Variants in PIWIL4 observed in about 807,000 individuals in gnomAD.
PIWIL4 encodes piwi like RNA-mediated gene silencing 4.
A neutral mutation model predicts 100.9 loss-of-function variants in PIWIL4; 50 were observed. That is an observed-to-expected ratio of 0.50 (90% CI 0.39 to 0.63). The LOEUF is 0.63. PIWIL4 is among the 20% of genes least tolerant of loss of function. The pLI is 0.00. For synonymous variants in PIWIL4, 342 were observed against 367.5 expected (o/e 0.93, Z 0.79); for missense variants, 887 against 1,043.3 (o/e 0.85, Z 2.06).
rs757303166 is a variant in PIWIL4 at position 94,568,773 on chromosome 11, A to G, written c.131A>G (p.Asn44Ser). The G allele has an allele frequency of 3.1e-6, 5 of 1,610,464 alleles. No individual in the cohort carries two copies. In the South Asian group the frequency reaches 4.4e-5, roughly 14 times the overall value. ...DLSNNEASSS[N>S]GFLGTSRIST... The stretch of plus-strand genomic sequence containing the variant: ...AGTAACAATGAAGCATCCTCTAGCA[A>G]TGGCTTCTTGGGAACAAGCAGGATC... The change falls in exon 2 of 20, where the codon AAT becomes AGT. Residue 44 changes from asparagine (N) to serine (S), a missense_variant. Physicochemically the swap from Asn to Ser is conservative, Grantham distance 46 (BLOSUM62 1). Around this residue, in one of 2 missense-constraint regions of PIWIL4, gnomAD observed 146 missense variants for 113.4 expected, o/e 1.29. Coordinates refer to ENST00000299001, the MANE Select transcript of PIWIL4 (RefSeq NM_152431.3).
intron 2 of PIWIL4, among the ~76,000 whole-genome samples, chr11:94,569,189 C>T (rs528268100): frequency 6.6e-6 from 1 of 152,208 alleles, no homozygotes; most frequent in South Asian, 2.1e-4. Flanking sequence ...TGCACTTGTA[C>T]GTTTATTGCA....
At chr11:94,578,165 C>G (rs556042779) in intron 4 of PIWIL4, among the ~76,000 whole-genome samples, 1 of 152,222 alleles carries the variant, frequency 6.6e-6, no homozygotes, top group Admixed American at 6.5e-5. Flanking sequence ...AGTGATTGCT[C>G]TGATTGTGCT....
intron 15 of PIWIL4, among the ~76,000 whole-genome samples, chr11:94,611,019 T>C (rs931294452): frequency 2.6e-5 from 4 of 152,226 alleles, no homozygotes; most frequent in African/African-American, 7.2e-5. Flanking sequence ...CACCATTTAT[T>C]GAAGAGACTT....
chr11:94,620,786 G>C (rs1163858292), intron 19 of PIWIL4, 90 bp from the exon 20 acceptor site: 1 of 943,618 alleles, frequency 1.1e-6, no homozygotes, highest in East Asian at 2.5e-5. Context: ...TCTATTATCT[G>C]TGTAACCAGT....
intron 11 of PIWIL4, among the ~76,000 whole-genome samples, chr11:94,600,114 G>A (rs908036861): frequency 3.9e-5 from 6 of 152,068 alleles, no homozygotes; most frequent in Non-Finnish European, 8.8e-5. Flanking sequence ...CAGAGGTCTG[G>A]GAAGCAGGCT....
At chr11:94,613,849 G>A (rs968315756) in intron 15 of PIWIL4, among the ~76,000 whole-genome samples, 9 of 152,018 alleles carry the variant, frequency 5.9e-5, no homozygotes, top group African/African-American at 4.8e-5. Flanking sequence ...TGCAACCTCC[G>A]CCTCCTGGGT....
chr11:94,568,641 T>TCTAAAGAC, intron 1 of PIWIL4, 89 bp from the exon 2 acceptor site: 1 of 985,214 alleles, frequency 1.0e-6, no homozygotes, highest in South Asian at 1.4e-5. Flanking sequence ...TTCATGGTAA[T>TCTAAAGAC]CTAAAGACCT....
Position 94,607,727 on chromosome 11 carries a change from A to G in PIWIL4, c.1839+88A>G, listed in dbSNP as rs909588683. On this transcript the variant is annotated intron_variant, in intron 14 of 19. Coordinates refer to ENST00000299001, the MANE Select transcript of PIWIL4 (RefSeq NM_152431.3). ...GGAGATGTTATCACATGATCCCAGAATTATTTGGTTTGCTTGTTTCTTGAG... is the reference window on the plus strand; with the variant it reads ...GGAGATGTTATCACATGATCCCAGAGTTATTTGGTTTGCTTGTTTCTTGAG... 5.2e-6 allele frequency: 7 copies of G among 1,344,252 alleles called. No homozygotes were observed. In the East Asian group the frequency reaches 1.8e-4, roughly 34 times the overall value. 83.3% of individuals were successfully genotyped at this position (1,344,252 alleles called of 1,614,324 possible).
At chr11:94,610,228 G>T (rs946339365) in intron 15 of PIWIL4, among the ~76,000 whole-genome samples, 2 of 34,498 alleles carry the variant, frequency 5.8e-5, no homozygotes, top group African/African-American at 1.1e-4. Context: ...ATATTCTATT[G>T]TGTGTGTGTG....
chr11:94,617,991 G>T lies in PIWIL4; in HGVS notation c.2052G>T (p.Leu684Phe), dbSNP rs1948864640. ...LNKWYKYNHD[L>F]PARIIVYRAG... Reference sequence around the variant, plus strand: ...AATGGTACAAGTACAATCATGATTTGCCAGCACGGATAATTGTGTACCGTG... The same window carrying T: ...AATGGTACAAGTACAATCATGATTTTCCAGCACGGATAATTGTGTACCGTG... The change falls in exon 17 of 20, where the codon TTG becomes TTT. Residue 684 changes from leucine (L) to phenylalanine (F), a missense_variant. By Grantham distance (22) the Leu-to-Phe change is conservative. Coordinates refer to ENST00000299001, the MANE Select transcript of PIWIL4 (RefSeq NM_152431.3). The T allele has an allele frequency of 6.2e-7, 1 of 1,613,632 alleles. No individual in the cohort carries two copies. The highest frequency in any genetic ancestry group is 1.7e-5 in the Admixed American group (1 of 59,936).
chr11:94,585,144 C>T (rs1948380805), intron 5 of PIWIL4, among the ~76,000 whole-genome samples: 1 of 152,206 alleles, frequency 6.6e-6, no homozygotes, highest in African/African-American at 2.4e-5. Flanking sequence ...GCTTATCTCA[C>T]CCCATCCAAG....
chr11:94,619,875 C>T lies in PIWIL4; in HGVS notation c.2284C>T (p.Arg762Cys), dbSNP rs773318682. ...CACTGTTGTGGATTCAGAAGCAACACGTAACGAATGGCAAGTGCCGCTGGA... is the reference window on the plus strand; with the variant it reads ...CACTGTTGTGGATTCAGAAGCAACATGTAACGAATGGCAAGTGCCGCTGGA... ...LGTVVDSEAT[R>C]NEWYDFYLIS... The change falls in exon 18 of 20, where the codon CGT becomes TGT. Residue 762 changes from arginine to cysteine, a missense_variant. Physicochemically the swap from Arg to Cys is radical, Grantham distance 180. Transcript: ENST00000299001. The T allele has an allele frequency of 3.7e-6, 6 of 1,614,190 alleles. No homozygotes were observed. The highest frequency in any genetic ancestry group is 1.7e-5 in the Admixed American group (1 of 60,012).
chr11:94,571,183 C>A (rs1948147173), intron 2 of PIWIL4, among the ~76,000 whole-genome samples: 1 of 152,158 alleles, frequency 6.6e-6, no homozygotes, highest in South Asian at 2.1e-4. Context: ...GCCCAGTGCC[C>A]TCCATTATTT....
chr11:94,569,635 C>T (rs1427479962), intron 2 of PIWIL4, among the ~76,000 whole-genome samples: 5 of 152,192 alleles, frequency 3.3e-5, no homozygotes, highest in African/African-American at 9.7e-5. Context: ...ACCTTGGCTT[C>T]CCAAAGTGCT....
rs1014455212 is a variant in PIWIL4 at position 94,595,204 on chromosome 11, A to G, written c.1151-105A>G. ...GGTTTTCATTTCTATTGGATGTGCT[A>G]TACAGATGGTGAATGCATTCAAGTG... On this transcript the variant is annotated intron_variant, in intron 9 of 19. Coordinates refer to ENST00000299001, the MANE Select transcript of PIWIL4 (RefSeq NM_152431.3). The G allele has an allele frequency of 2.1e-5, 18 of 844,144 alleles. No individual in the cohort carries two copies. The African/African-American group carries it at 2.5e-4, about 12-fold the overall frequency. The allele number at this position is 844,144 out of a possible 1,614,324, so 52.3% of individuals were successfully genotyped here.
chr11:94,583,437 C>A lies in PIWIL4; in HGVS notation c.514-11C>A, dbSNP rs183615288. ...TTTGTAGGGTGCATATTAAGTACCT[C>A]TTTTTCCCAGGTCACAGAGTTGTCA... On this transcript the variant is annotated splice_polypyrimidine_tract_variant and intron_variant, in intron 4 of 19. Coordinates refer to ENST00000299001, the MANE Select transcript of PIWIL4 (RefSeq NM_152431.3). 2 of 1,613,144 alleles carry A rather than the reference C, an allele frequency of 1.2e-6. No homozygotes were observed. Among genetic ancestry groups the A allele is most frequent in the Non-Finnish European group, 1.7e-6 (2 of 1,179,254 alleles).
chr11:94,579,822 C>A (rs1164646193), intron 4 of PIWIL4, among the ~76,000 whole-genome samples: 1 of 152,152 alleles, frequency 6.6e-6, no homozygotes. Context: ...GTTGATAGCA[C>A]GCTAATATGG....
intron 3 of PIWIL4, among the ~76,000 whole-genome samples, chr11:94,576,738 G>A (rs767459873): frequency 1.3e-5 from 2 of 152,170 alleles, no homozygotes; most frequent in East Asian, 1.9e-4. Flanking sequence ...TCCTCTCTCC[G>A]CAGCCTTCCC....
At chr11:94,585,289 A>C (rs971799740) in intron 5 of PIWIL4, among the ~76,000 whole-genome samples, 156 bp from the exon 6 acceptor site, 1 of 152,238 alleles carries the variant, frequency 6.6e-6, no homozygotes, top group Admixed American at 6.5e-5. Flanking sequence ...ATAGACATTC[A>C]TATGTATATT....
Sources: gnomAD v4.1 joint callset for allele counts (sites outside exome capture counted in the v4.1 genomes callset) on GRCh38, gnomAD v4.1.1 for gene constraint, gnomAD v4.1.1 regional missense constraint, MANE v1.5 for transcripts, NCBI Gene and HGNC (gene_info 2026-07-23, HGNC 2026-07-21) for gene names.